The following SPATA31F3 variants were observed in gnomAD, a reference collection of about 807,000 sequenced individuals.
SPATA31F3 encodes protein SPATA31F3.
the SPATA31F3 span, among the ~76,000 whole-genome samples, chr9:34,891,958 G>A: frequency 6.6e-6 from 1 of 152,174 alleles, no homozygotes; most frequent in African/African-American, 2.4e-5. Context: ...GGGGGAAAAG[G>A]TGGGGAAGGA....
At chr9:34,895,357 G>A in the SPATA31F3 span, among the ~76,000 whole-genome samples, 3 of 152,142 alleles carry the variant, frequency 2.0e-5, no homozygotes, top group Non-Finnish European at 2.9e-5. Flanking sequence ...AGGAAAAGTG[G>A]AACAGATTAA....
At chr9:34,890,471 G>A in the SPATA31F3 span, among the ~76,000 whole-genome samples, 11 of 152,202 alleles carry the variant, frequency 7.2e-5, no homozygotes, top group African/African-American at 2.4e-4. Flanking sequence ...TCCACTGGGT[G>A]TGAGATCCCA....
the SPATA31F3 span, chr9:34,892,936 G>A: frequency 7.3e-5 from 50 of 685,236 alleles, no homozygotes; most frequent in East Asian, 2.7e-5. Flanking sequence ...ATTTCGGGGA[G>A]CCCAGATCCT....
the SPATA31F3 span, chr9:34,895,669 A>T: frequency 2.5e-6 from 1 of 403,804 alleles, no homozygotes; most frequent in African/African-American, 2.1e-5. Context: ...AGATGGATCC[A>T]TAGGTGTATA....
At chr9:34,889,527 T>G in the SPATA31F3 span, 6 of 398,622 alleles carry the variant, frequency 1.5e-5, no homozygotes, top group Non-Finnish European at 1.3e-5. Context: ...GGTCACTGTC[T>G]CAGCCTTAGA....
the SPATA31F3 span, chr9:34,893,215 G>T: frequency 2.1e-6 from 1 of 468,904 alleles, no homozygotes; most frequent in Non-Finnish European, 3.7e-6. Context: ...GGAAAAGTGT[G>T]GGCCGGGGTT....
At chr9:34,889,468 G>C in the SPATA31F3 span, 2 of 398,506 alleles carry the variant, frequency 5.0e-6, no homozygotes, top group Admixed American at 8.8e-5. Context: ...CCCCACACAT[G>C]ATCTTTGGTG....
the SPATA31F3 span, among the ~76,000 whole-genome samples, chr9:34,891,709 G>T: frequency 6.6e-6 from 1 of 152,184 alleles, no homozygotes; most frequent in East Asian, 1.9e-4. Flanking sequence ...TCCCTCTTGA[G>T]GACTGAAATG....
the SPATA31F3 span, among the ~76,000 whole-genome samples, chr9:34,890,509 A>G: frequency 5.3e-5 from 8 of 152,174 alleles, no homozygotes; most frequent in African/African-American, 1.4e-4. Flanking sequence ...GGGTACTGCT[A>G]TGGAACTAGA....
the SPATA31F3 span, chr9:34,893,148 C>T: frequency 1.6e-6 from 1 of 632,006 alleles, no homozygotes; most frequent in Non-Finnish European, 2.5e-6. Context: ...GGAAGCCAGC[C>T]CTGGCTGGGA....
chr9:34,894,889 GAA>G, the SPATA31F3 span: 4 of 396,456 alleles, frequency 1.0e-5, no homozygotes, highest in African/African-American at 8.2e-5. Flanking sequence ...TCCACCCAAG[GAA>G]GTCTTCCATG....
the SPATA31F3 span, among the ~76,000 whole-genome samples, chr9:34,891,501 A>G: frequency 6.6e-6 from 1 of 152,176 alleles, no homozygotes; most frequent in South Asian, 2.1e-4. Flanking sequence ...CTGGTGCTGC[A>G]TGCTGGGAAG....
the SPATA31F3 span, chr9:34,895,140 A>G: frequency 1.0e-5 from 4 of 398,416 alleles, no homozygotes; most frequent in Admixed American, 8.8e-5. Flanking sequence ...TCCCATATCT[A>G]AAATGAAACA....
the SPATA31F3 span, chr9:34,893,010 GC>G: frequency 1.2e-6 from 1 of 833,188 alleles, no homozygotes; most frequent in Non-Finnish European, 2.0e-6. Flanking sequence ...CCCTGTGATG[GC>G]CCCAGTGAAG....
the SPATA31F3 span, among the ~76,000 whole-genome samples, chr9:34,893,925 G>C: frequency 6.6e-6 from 1 of 152,162 alleles, no homozygotes; most frequent in Non-Finnish European, 1.5e-5. Flanking sequence ...TGGTATCCCT[G>C]CTGATATACT....
At chr9:34,895,719 A>G in the SPATA31F3 span, 6 of 404,556 alleles carry the variant, frequency 1.5e-5, no homozygotes, top group Non-Finnish European at 4.4e-6. Context: ...GTAGGGCTCA[A>G]CATGATCTAA....
chr9:34,892,839 C>T, the SPATA31F3 span: 1 of 693,578 alleles, frequency 1.4e-6, no homozygotes, highest in Non-Finnish European at 2.6e-6. Context: ...TCTGCACCAG[C>T]TGACCGGGCA....
chr9:34,895,606 G>A, the SPATA31F3 span: 2 of 399,068 alleles, frequency 5.0e-6, no homozygotes, highest in Non-Finnish European at 4.4e-6. Context: ...TAGGTACCAA[G>A]CTTAATTTTT....
chr9:34,892,818 C>G, the SPATA31F3 span: 1 of 676,236 alleles, frequency 1.5e-6, no homozygotes, highest in Non-Finnish European at 2.7e-6. Context: ...GCCCAGGAAT[C>G]TTGGACGCTG....
Sources: allele counts gnomAD v4.1 joint callset (sites outside exome capture counted in the v4.1 genomes callset), GRCh38; gene constraint gnomAD v4.1.1; transcripts MANE v1.5; gene names NCBI Gene and HGNC (gene_info 2026-07-23, HGNC 2026-07-21).